CRPPA: variants seen among roughly 807,000 people sequenced by gnomAD.
The protein encoded by CRPPA is D-ribitol-5-phosphate cytidylyltransferase.
Under a neutral mutation model 52.0 loss-of-function variants are expected in CRPPA, and 43 were observed. That is an observed-to-expected ratio of 0.83 (90% confidence interval 0.65 to 1.07). The LOEUF (loss-of-function observed/expected upper bound fraction) is 1.07. Among genes scored for constraint, CRPPA ranks in the 50% least tolerant of loss-of-function variants. CRPPA has a pLI of 0.00. For synonymous variants in CRPPA, 250 were observed against 203.5 expected (o/e 1.23, Z -1.94); for missense variants, 629 against 551.7 (o/e 1.14, Z -1.40).
intron 9 of CRPPA, among the ~76,000 whole-genome samples, chr7:16,165,234 A>C (rs1019673024): frequency 2.6e-5 from 4 of 152,026 alleles, no homozygotes; most frequent in African/African-American, 9.7e-5. Flanking sequence ...AAGAAAAAAA[A>C]AAAACATTTT....
At chr7:16,400,449 C>G (rs1422228496) in intron 2 of CRPPA, among the ~76,000 whole-genome samples, 2 of 152,202 alleles carry the variant, frequency 1.3e-5, no homozygotes, top group Non-Finnish European at 2.9e-5. Context: ...GTGATCAACA[C>G]TTGTGTGACA....
chr7:16,153,906 T>C (rs1333125899), intron 9 of CRPPA, among the ~76,000 whole-genome samples: 1 of 152,062 alleles, frequency 6.6e-6, no homozygotes, highest in African/African-American at 2.4e-5. Context: ...ATGAAAATAA[T>C]TTGTTTTGTG....
intron 9 of CRPPA, among the ~76,000 whole-genome samples, chr7:16,195,236 A>C (rs964134058): frequency 6.6e-6 from 1 of 152,168 alleles, no homozygotes; most frequent in African/African-American, 2.4e-5. Context: ...TATCCCACCA[A>C]GCCAATTCTG....
chr7:16,145,962 T>A (rs898718061), intron 9 of CRPPA, among the ~76,000 whole-genome samples: 4 of 152,062 alleles, frequency 2.6e-5, no homozygotes, highest in African/African-American at 9.7e-5. Context: ...ATCCAGCTCT[T>A]CAATGTAAAA....
At chr7:16,137,910 T>C (rs1238547524) in intron 9 of CRPPA, among the ~76,000 whole-genome samples, 1 of 152,192 alleles carries the variant, frequency 6.6e-6, no homozygotes, top group Admixed American at 6.5e-5. Flanking sequence ...ATTATAATTT[T>C]ATACAAAATA....
At position 16,089,047 on chromosome 7, in the gene CRPPA, A is replaced by G; in HGVS notation, c.*2648T>C. On this transcript the variant is annotated 3_prime_UTR_variant, in exon 10 of 10. Transcript: ENST00000407010. ...TAAGCCCAAACTTTTGTTACTATTCAGTCACATGATTTTGGCAAGGTAACT... is the reference window on the plus strand; with the variant it reads ...TAAGCCCAAACTTTTGTTACTATTCGGTCACATGATTTTGGCAAGGTAACT... 4 of 226,858 alleles carry G rather than the reference A, an allele frequency of 1.8e-5. 1 individual carries two copies. The South Asian group carries it at 2.1e-4, about 12-fold the overall frequency. The allele number at this position is 226,858 out of a possible 1,614,324, so 14.1% of individuals were successfully genotyped here. A position where few individuals can be genotyped will look rare whatever the true frequency, so the allele number is the denominator to read the frequency against.
chr7:16,276,709 T>C (rs1023993997), intron 6 of CRPPA: 2 of 152,198 alleles, frequency 1.3e-5, no homozygotes, highest in Non-Finnish European at 2.9e-5. Flanking sequence ...AGGATTGTAG[T>C]GGCTATCACA....
chr7:16,303,499 A>AAAAAAAAAAAAAAAAAAAAAAAC, intron 4 of CRPPA, among the ~76,000 whole-genome samples: 2 of 148,366 alleles, frequency 1.3e-5, no homozygotes, highest in African/African-American at 5.0e-5. Context: ...AAAAAAAAAA[A>AAAAAAAAAAAAAAAAAAAAAAAC]AAAACTTTCA....
intron 8 of CRPPA, among the ~76,000 whole-genome samples, chr7:16,236,837 A>G (rs1270610457): frequency 6.6e-6 from 1 of 152,128 alleles, no homozygotes; most frequent in Admixed American, 6.6e-5. Flanking sequence ...AATATAAAAG[A>G]TATATTTTAA....
At chr7:16,412,191 T>C (rs1413572480) in intron 1 of CRPPA, among the ~76,000 whole-genome samples, 1 of 152,140 alleles carries the variant, frequency 6.6e-6, no homozygotes, top group African/African-American at 2.4e-5. Flanking sequence ...AAACAGAAAA[T>C]GGCATTTTAA....
intron 5 of CRPPA, among the ~76,000 whole-genome samples, chr7:16,292,652 C>T (rs1033029914): frequency 1.3e-5 from 2 of 151,948 alleles, no homozygotes; most frequent in African/African-American, 4.8e-5. Flanking sequence ...GTTCAACTCC[C>T]TGATTAATGT....
intron 3 of CRPPA, among the ~76,000 whole-genome samples, chr7:16,366,365 T>C (rs1205844660): frequency 6.6e-6 from 1 of 152,162 alleles, no homozygotes; most frequent in Non-Finnish European, 1.5e-5. Context: ...TCACTAGCAA[T>C]GTAGTTCAAT....
At chr7:16,119,918 T>C (rs570648281) in intron 9 of CRPPA, among the ~76,000 whole-genome samples, 1 of 152,168 alleles carries the variant, frequency 6.6e-6, no homozygotes, top group East Asian at 1.9e-4. Context: ...AAAAGGTGTT[T>C]AAATCCTTAG....
chr7:16,371,952 G>C (rs766717639), intron 3 of CRPPA, among the ~76,000 whole-genome samples: 2 of 151,972 alleles, frequency 1.3e-5, no homozygotes, highest in African/African-American at 4.8e-5. Context: ...AGAAGACGCA[G>C]AAGAAAGAAT....
chr7:16,264,144 T>C (rs948662523), intron 6 of CRPPA, among the ~76,000 whole-genome samples: 2 of 152,134 alleles, frequency 1.3e-5, no homozygotes, highest in African/African-American at 4.8e-5. Flanking sequence ...AGCAAAGGTA[T>C]CTGTGACACT....
At chr7:16,334,558 A>G (rs1417450001) in intron 3 of CRPPA, among the ~76,000 whole-genome samples, 1 of 152,130 alleles carries the variant, frequency 6.6e-6, no homozygotes. Context: ...TCAGCCTTGG[A>G]GTCCTTCACA....
intron 8 of CRPPA, among the ~76,000 whole-genome samples, chr7:16,231,985 T>A (rs532164528): frequency 1.2e-4 from 18 of 152,212 alleles, no homozygotes; most frequent in African/African-American, 4.3e-4. Context: ...AAGTTAAGAA[T>A]CTGGGGAGAC....
chr7:16,343,500 A>T (rs1302332571), intron 3 of CRPPA, among the ~76,000 whole-genome samples: 3 of 152,136 alleles, frequency 2.0e-5, no homozygotes, highest in Non-Finnish European at 4.4e-5. Flanking sequence ...ACCTGTCTCA[A>T]AGTTCCCTGC....
chr7:16,372,201 C>T (rs957288540), intron 3 of CRPPA, among the ~76,000 whole-genome samples: 1 of 152,102 alleles, frequency 6.6e-6, no homozygotes, highest in African/African-American at 2.4e-5. Flanking sequence ...CAAAAAACTC[C>T]TGGGAAATTC....
Sources: gnomAD v4.1 joint callset for allele counts (sites outside exome capture counted in the v4.1 genomes callset) on GRCh38, gnomAD v4.1.1 for gene constraint, MANE v1.5 for transcripts, NCBI Gene and HGNC (gene_info 2026-07-23, HGNC 2026-07-21) for gene names.